KLRD1: variants seen among roughly 807,000 people sequenced by gnomAD.
The protein encoded by KLRD1 is killer cell lectin like receptor D1.
KLRD1 carries 21 observed loss-of-function variants against 22.6 expected under a neutral mutation model. The observed-to-expected ratio is 0.93, with a 90% CI of 0.66 to 1.34. The LOEUF (loss-of-function observed/expected upper bound fraction) is 1.34. Among genes scored for constraint, KLRD1 ranks in the 40% most tolerant of loss-of-function variants. The pLI is 0.00. For missense variants in KLRD1, 183 were observed against 208.6 expected (o/e 0.88, Z 0.76); for synonymous variants, 59 against 71.1 (o/e 0.83, Z 0.85).
chr12:10,259,828 T>C (rs1428048070), intron 1 of KLRD1, among the ~76,000 whole-genome samples: 2 of 152,100 alleles, frequency 1.3e-5, no homozygotes, highest in African/African-American at 4.8e-5. Flanking sequence ...TAGCCAGGCG[T>C]TTTGGCACAT....
rs569603053 is a variant in KLRD1 at position 10,284,838 on chromosome 12, G to A, written c.-100-23140G>A. On this transcript the variant is annotated intron_variant, in intron 1 of 5. Transcript: ENST00000544747. ...CTCTACTAAAAATACAAAATTAGCC[G>A]GGCATGGTGGTGCATGCCTGTAATC... 3.4e-3 allele frequency among the ~76,000 whole-genome samples: 522 copies of A among 152,128 alleles called. 4 individuals are homozygous for A. Among genetic ancestry groups the A allele is most frequent in the African/African-American group, 0.012 (493 of 41,494 alleles).
chr12:10,245,312 T>G (rs1949280592), intron 1 of KLRD1, among the ~76,000 whole-genome samples: 1 of 151,732 alleles, frequency 6.6e-6, no homozygotes, highest in Non-Finnish European at 1.5e-5. Flanking sequence ...GAGCCAAGAT[T>G]GCGCCACTGC....
chr12:10,285,141 G>A (rs962785537), intron 1 of KLRD1, among the ~76,000 whole-genome samples: 2 of 152,156 alleles, frequency 1.3e-5, no homozygotes, highest in African/African-American at 2.4e-5. Flanking sequence ...TGTTGCCAGT[G>A]TACCATGCTA....
rs1950375634 is a variant in KLRD1, at chr12:10,327,939, A to G, written c.*13146A>G. ...GATGCACAGGTGACATTTATCCTTC[A>G]TTCTATTAATGTGGTATATTACATT... On this transcript the variant is annotated 3_prime_UTR_variant, in exon 6 of 6. Coordinates refer to ENST00000336164, the MANE Select transcript of KLRD1 (RefSeq NM_002262.5). 6.6e-6 allele frequency: 1 copy of G among 152,148 alleles called. No homozygotes were observed. The highest frequency in any genetic ancestry group is 2.4e-5 in the African/African-American group (1 of 41,440). 9.4% of individuals were successfully genotyped at this position (152,148 alleles called of 1,614,324 possible).
Position 10,272,445 on chromosome 12 carries a change from A to G in KLRD1, c.-100-35533A>G, listed in dbSNP as rs867559984. On this transcript the variant is annotated intron_variant, in intron 1 of 5. Coordinates refer to the KLRD1 transcript ENST00000544747. Reference sequence around the variant, plus strand: ...ACAAAAGATTTTCAAATCCTCCTCTAAAAGTACCTGGTTATGAACTCATTA... The same window carrying G: ...ACAAAAGATTTTCAAATCCTCCTCTGAAAGTACCTGGTTATGAACTCATTA... 2.4e-4 allele frequency among the ~76,000 whole-genome samples: 36 copies of G among 152,344 alleles called. 1 individual carries two copies. Among genetic ancestry groups the G allele is most frequent in the African/African-American group, 6.7e-4 (28 of 41,586 alleles).
intron 1 of KLRD1, among the ~76,000 whole-genome samples, chr12:10,288,502 A>G (rs1565460539): frequency 6.6e-6 from 1 of 152,186 alleles, no homozygotes; most frequent in Non-Finnish European, 1.5e-5. Flanking sequence ...GTAGAGGTAG[A>G]CAAAGGTTAG....
intron 1 of KLRD1, among the ~76,000 whole-genome samples, chr12:10,278,036 G>A (rs1949607472): frequency 6.6e-6 from 1 of 152,240 alleles, no homozygotes; most frequent in Non-Finnish European, 1.5e-5. Flanking sequence ...CTGGCAGAGA[G>A]TGAAGGACTG....
chr12:10,306,262 GTA>G (rs1452176627), upstream of KLRD1, among the ~76,000 whole-genome samples: 147 of 151,886 alleles, frequency 9.7e-4, no homozygotes, highest in Middle Eastern at 3.4e-3. Flanking sequence ...CTGTGTGTGT[GTA>G]TGTGTGTGTG....
intron 1 of KLRD1, among the ~76,000 whole-genome samples, chr12:10,259,326 G>A (rs1295767450): frequency 6.6e-6 from 1 of 152,010 alleles, no homozygotes; most frequent in Non-Finnish European, 1.5e-5. Context: ...CATCATCATA[G>A]TTATGTAGAA....
At chr12:10,269,627 A>T (rs2137641692) in intron 1 of KLRD1, among the ~76,000 whole-genome samples, 1 of 152,290 alleles carries the variant, frequency 6.6e-6, no homozygotes, top group South Asian at 2.1e-4. Context: ...AAAAAAGTTT[A>T]TGTTTATTAC....
intron 1 of KLRD1, among the ~76,000 whole-genome samples, chr12:10,253,362 G>C (rs1165136143): frequency 1.3e-5 from 2 of 152,038 alleles, no homozygotes; most frequent in Non-Finnish European, 2.9e-5. Flanking sequence ...ATTTTGTTTA[G>C]TTTTCATTGC....
chr12:10,246,783 G>A (rs1378327254), intron 1 of KLRD1, among the ~76,000 whole-genome samples: 1 of 152,058 alleles, frequency 6.6e-6, no homozygotes, highest in Non-Finnish European at 1.5e-5. Context: ...TTTTGGCTAT[G>A]TTTAGATATT....
upstream of KLRD1, among the ~76,000 whole-genome samples, chr12:10,299,815 A>C (rs1028086402): frequency 2.6e-5 from 4 of 152,200 alleles, no homozygotes; most frequent in African/African-American, 7.2e-5. Context: ...AACTTCTTTC[A>C]AAATTGAAGT....
At chr12:10,289,134 CG>C (rs1485949025) in intron 1 of KLRD1, among the ~76,000 whole-genome samples, 1 of 152,148 alleles carries the variant, frequency 6.6e-6, no homozygotes, top group Non-Finnish European at 1.5e-5. Context: ...TGACATTACG[CG>C]GGCTTTGGAA....
chr12:10,274,201 A>G (rs1949573070), intron 1 of KLRD1, among the ~76,000 whole-genome samples: 1 of 151,930 alleles, frequency 6.6e-6, no homozygotes, highest in South Asian at 2.1e-4. Context: ...AATCGCTTGA[A>G]CCCGGGAGGC....
chr12:10,280,781 G>T lies in KLRD1; in HGVS notation c.-100-27197G>T, dbSNP rs75515421. Among the ~76,000 whole-genome samples the T allele has an allele frequency of 3.7e-3, 561 of 152,288 alleles. 2 individuals carry two copies. Among genetic ancestry groups the T allele is most frequent in the African/African-American group, 0.012 (507 of 41,552 alleles). ...CAGCAAAAAAGCATGGAGAATGGAG[G>T]TGAGGTGTGGTTTGAAAACCAGGTG... On this transcript the variant is annotated intron_variant, in intron 1 of 5. Transcript: ENST00000544747.
chr12:10,271,093 A>G (rs1949545218), intron 1 of KLRD1, among the ~76,000 whole-genome samples: 1 of 56,238 alleles, frequency 1.8e-5, no homozygotes, highest in Admixed American at 3.0e-4. Flanking sequence ...TCCACTCCCT[A>G]ATTGTTTTTT....
In KLRD1 at chr12:10,322,229, T is replaced by C. The variant is rs1170912711; in HGVS notation, c.*7436T>C. The C allele has an allele frequency of 1.3e-5, 2 of 152,236 alleles. No individual in the cohort carries two copies. Among genetic ancestry groups the C allele is most frequent in the Admixed American group, 1.3e-4 (2 of 15,272 alleles). 9.4% of individuals were successfully genotyped at this position (152,236 alleles called of 1,614,324 possible). A position where few individuals can be genotyped will look rare whatever the true frequency, so the allele number is the denominator to read the frequency against. ...GCCTGGCTAATTTTTGTATTTTCAG[T>C]AGACATGAGGTTTTGCCATGTTGGC... On this transcript the variant is annotated 3_prime_UTR_variant, in exon 6 of 6. Coordinates refer to ENST00000336164, the MANE Select transcript of KLRD1 (RefSeq NM_002262.5).
intron 1 of KLRD1, among the ~76,000 whole-genome samples, chr12:10,248,191 A>G (rs12313128): frequency 2.0e-4 from 30 of 152,260 alleles, no homozygotes; most frequent in African/African-American, 7.0e-4. Flanking sequence ...TGGAATGGAA[A>G]TTCTCTGATC....
Sources: gnomAD v4.1 joint callset for allele counts (sites outside exome capture counted in the v4.1 genomes callset) on GRCh38, gnomAD v4.1.1 for gene constraint, MANE v1.5 for transcripts, NCBI Gene and HGNC (gene_info 2026-07-23, HGNC 2026-07-21) for gene names.